The following NEK11 variants were observed in gnomAD, a reference collection of about 807,000 sequenced individuals.
NEK11 encodes the protein serine/threonine-protein kinase Nek11.
NEK11 carries 72 observed loss-of-function variants against 80.7 expected under a neutral mutation model. The observed-to-expected ratio is 0.89, with a 90% CI of 0.74 to 1.08. The LOEUF is 1.08. Among genes scored for constraint, NEK11 ranks in the 50% least tolerant of loss-of-function variants. The pLI is 0.00. For synonymous variants in NEK11, 251 were observed against 260.7 expected, an observed-to-expected ratio of 0.96 and a Z score of 0.36; for missense variants, 764 against 763.6, an observed-to-expected ratio of 1.00 and a Z score of -0.01.
intron 3 of NEK11, among the ~76,000 whole-genome samples, chr3:131,042,958 A>G (rs1220549631): frequency 2.6e-5 from 4 of 152,158 alleles, no homozygotes; most frequent in African/African-American, 9.7e-5. Context: ...TGCTGGTGAT[A>G]CCCAGGCAAA....
intron 5 of NEK11, among the ~76,000 whole-genome samples, chr3:131,112,264 A>G (rs986613568): frequency 2.6e-5 from 4 of 152,188 alleles, no homozygotes; most frequent in African/African-American, 7.2e-5. Flanking sequence ...TACACAATTG[A>G]TAATAAGCAT....
chr3:131,171,052 G>A, intron 14 of NEK11, 165 bp downstream of exon 14: 1 of 644,460 alleles, frequency 1.6e-6, no homozygotes, highest in Non-Finnish European at 2.8e-6. Context: ...AAGTAGAGAA[G>A]CCAAGGATTT....
intron 3 of NEK11, among the ~76,000 whole-genome samples, chr3:131,035,181 C>G (rs2065464072): frequency 6.6e-6 from 1 of 152,188 alleles, no homozygotes; most frequent in African/African-American, 2.4e-5. Context: ...CTTGCCTCCT[C>G]AGAGAGCTCT....
chr3:131,290,846 T>C (rs2096536462), intron 17 of NEK11, among the ~76,000 whole-genome samples: 1 of 152,180 alleles, frequency 6.6e-6, no homozygotes, highest in Non-Finnish European at 1.5e-5. Flanking sequence ...ATTTCCCATA[T>C]ATCTCCTGCC....
chr3:131,235,852 T>G (rs1176494143), intron 15 of NEK11, among the ~76,000 whole-genome samples: 1 of 152,174 alleles, frequency 6.6e-6, no homozygotes, highest in Non-Finnish European at 1.5e-5. Context: ...GTACCAACTA[T>G]TAGGAATTTG....
intron 17 of NEK11, among the ~76,000 whole-genome samples, chr3:131,316,572 A>C (rs1467148411): frequency 6.6e-6 from 1 of 152,192 alleles, no homozygotes; most frequent in African/African-American, 2.4e-5. Flanking sequence ...AGTTTTCTTA[A>C]GGCTCCAAGC....
chr3:131,314,157 T>TG (rs2096811627), intron 17 of NEK11, among the ~76,000 whole-genome samples: 1 of 128,462 alleles, frequency 7.8e-6, no homozygotes, highest in Admixed American at 7.9e-5. Context: ...GTGTGTGTCT[T>TG]GCATTAAGGA....
intron 5 of NEK11, among the ~76,000 whole-genome samples, chr3:131,126,443 C>A (rs996650905): frequency 2.0e-5 from 3 of 152,108 alleles, no homozygotes; most frequent in African/African-American, 7.2e-5. Flanking sequence ...GCTACTATTT[C>A]AGCTAAAAAT....
intron 17 of NEK11, among the ~76,000 whole-genome samples, chr3:131,276,965 T>C (rs754962375): frequency 6.6e-6 from 1 of 152,204 alleles, no homozygotes; most frequent in Non-Finnish European, 1.5e-5. Context: ...TTCTTCATCT[T>C]TCATGACACT....
intron 14 of NEK11, among the ~76,000 whole-genome samples, chr3:131,212,192 G>C (rs906279302): frequency 2.0e-5 from 3 of 152,098 alleles, no homozygotes; most frequent in Admixed American, 1.3e-4. Context: ...ATTTCTTTCT[G>C]TTTGTTAGTT....
rs184706542 is a variant in NEK11, at chr3:131,196,111, A to G, written c.1399+25224A>G. On this transcript the variant is annotated intron_variant, in intron 14 of 17. Coordinates refer to ENST00000383366, the MANE Select transcript of NEK11 (RefSeq NM_024800.5). ...TACAATATCTAGGTTCTACTGTGAT[A>G]TAAAACTCTTAAATGTCTTTTCAAA... Among the ~76,000 whole-genome samples, 354 of 152,118 alleles carry G rather than the reference A, an allele frequency of 2.3e-3. 1 individual carries two copies. The highest frequency in any genetic ancestry group is 4.0e-3 in the Admixed American group (61 of 15,280).
intron 10 of NEK11, 36 bp from the exon 11 acceptor site, chr3:131,162,372 G>A: frequency 6.2e-7 from 1 of 1,600,796 alleles, no homozygotes; most frequent in Non-Finnish European, 8.5e-7. Context: ...ACATGTTTGG[G>A]ATGGGCTATA....
intron 3 of NEK11, among the ~76,000 whole-genome samples, chr3:131,075,831 T>G (rs540499400): frequency 6.6e-6 from 1 of 152,238 alleles, no homozygotes; most frequent in South Asian, 2.1e-4. Context: ...GCAGCCACCC[T>G]TTGCCAGTTT....
intron 9 of NEK11, among the ~76,000 whole-genome samples, chr3:131,152,947 C>T (rs781516032): frequency 7.9e-5 from 12 of 151,978 alleles, no homozygotes; most frequent in Non-Finnish European, 1.6e-4. Flanking sequence ...ATTAGCTGGG[C>T]GTGGTGGTGC....
At chr3:131,163,898 T>G (rs1046906700) in intron 11 of NEK11, among the ~76,000 whole-genome samples, 1 of 152,220 alleles carries the variant, frequency 6.6e-6, no homozygotes, top group African/African-American at 2.4e-5. Context: ...TATGTGTTGG[T>G]AGGTTATCAA....
chr3:131,277,980 G>C (rs2096326799), intron 17 of NEK11, among the ~76,000 whole-genome samples: 1 of 152,196 alleles, frequency 6.6e-6, no homozygotes, highest in South Asian at 2.1e-4. Context: ...GCTTCACTTT[G>C]AAAATCCCCA....
At chr3:131,333,165 T>G (rs1363443756) in intron 17 of NEK11, among the ~76,000 whole-genome samples, 1 of 151,982 alleles carries the variant, frequency 6.6e-6, no homozygotes, top group East Asian at 1.9e-4. Flanking sequence ...CACATAATTG[T>G]CAGATTCACC....
chr3:131,062,544 C>T (rs1333931455), intron 3 of NEK11, among the ~76,000 whole-genome samples: 1 of 152,192 alleles, frequency 6.6e-6, no homozygotes, highest in African/African-American at 2.4e-5. Flanking sequence ...TAGAACATTC[C>T]TACACCCTTA....
At chr3:131,338,265 GGT>G (rs1400827076) in intron 17 of NEK11, among the ~76,000 whole-genome samples, 5,484 of 91,586 alleles carry the variant, frequency 0.06, 215 homozygotes, top group African/African-American at 0.16. Flanking sequence ...GCGCCCAGCT[GGT>G]TTTTTTTTTT....
Sources: allele counts gnomAD v4.1 joint callset (sites outside exome capture counted in the v4.1 genomes callset), GRCh38; gene constraint gnomAD v4.1.1; transcripts MANE v1.5; gene names NCBI Gene and HGNC (gene_info 2026-07-23, HGNC 2026-07-21).